The following NAT10 variants were observed in gnomAD, a reference collection of about 807,000 sequenced individuals.
NAT10 encodes the protein N-acetyltransferase 10, also known as RNA cytidine acetyltransferase.
Under a neutral mutation model 132.2 loss-of-function variants are expected in NAT10, and 109 were observed. The ratio of observed to expected loss-of-function variants is 0.82; its 90% CI spans 0.71 to 0.97. The LOEUF is 0.97. NAT10 is among the 50% of genes least tolerant of loss of function. The pLI is 0.00. For synonymous variants in NAT10, 479 were observed against 478.0 expected, an observed-to-expected ratio of 1.00 and a Z score of -0.03; for missense variants, 1,184 against 1,263.4, an observed-to-expected ratio of 0.94 and a Z score of 0.95.
Position 34,139,175 on chromosome 11 carries a change from C to T in NAT10, c.2212-16C>T. On this transcript the variant is annotated splice_polypyrimidine_tract_variant and intron_variant, in intron 21 of 28. Transcript: ENST00000257829. ...AAGGGGGTTCTTGGTGCCAGTTAAA[C>T]CTCTGTGTTGCCCAGAATGACCTGA... 1 of 1,611,064 alleles carries T rather than the reference C, an allele frequency of 6.2e-7. No homozygotes were observed. The highest frequency in any genetic ancestry group is 8.5e-7 in the Non-Finnish European group (1 of 1,177,380).
chr11:34,141,183 ACCGGATCAT>A lies in NAT10; in HGVS notation c.2691_2699del (p.Ile898_Arg900del). Reference sequence around the variant, plus strand: ...TCGGGCCAGTTGATGGGACTTTTCAACCGGATCATCCGCAAAGTTGTGAAGGTAACCTCA... The same window carrying A: ...TCGGGCCAGTTGATGGGACTTTTCAACCGCAAAGTTGTGAAGGTAACCTCA... On this transcript the variant is annotated inframe_deletion, in exon 25 of 29. Coordinates refer to ENST00000257829, the MANE Select transcript of NAT10 (RefSeq NM_024662.3). 1 of 1,614,118 alleles carries A rather than the reference ACCGGATCAT, an allele frequency of 6.2e-7. No individual in the cohort carries two copies. The highest frequency in any genetic ancestry group is 8.5e-7 in the Non-Finnish European group (1 of 1,180,014).
intron 11 of NAT10, among the ~76,000 whole-genome samples, chr11:34,126,677 A>C (rs1287220030): frequency 6.6e-6 from 1 of 152,222 alleles, no homozygotes; most frequent in East Asian, 1.9e-4. Flanking sequence ...GTTTTGTGAA[A>C]TGGTATCTCC....
At chr11:34,119,664 T>A (rs1851852261) in intron 8 of NAT10, among the ~76,000 whole-genome samples, 1 of 152,258 alleles carries the variant, frequency 6.6e-6, no homozygotes, top group Non-Finnish European at 1.5e-5. Flanking sequence ...AGTTTCACTC[T>A]GCAGAAACAA....
chr11:34,115,802 G>A (rs1218455573), intron 5 of NAT10, 21 bp from the exon 6 acceptor site: 2 of 1,613,518 alleles, frequency 1.2e-6, no homozygotes, highest in Admixed American at 1.7e-5. Flanking sequence ...TTTGTTAATG[G>A]ATGTTGTCTT....
intron 13 of NAT10, 74 bp from the exon 14 acceptor site, chr11:34,131,307 T>C (rs1852100577): frequency 1.3e-6 from 2 of 1,522,850 alleles, no homozygotes; most frequent in Admixed American, 4.0e-5. Flanking sequence ...AAGTGAAACA[T>C]TTTTCCTTGC....
rs973301067 is a variant in NAT10, at chr11:34,146,299, G to C, written c.*107G>C. ...GCAACGAGAGGCCCCGGCACACCTG[G>C]AAGCTGGCCGCGAATTCGGCCTCTG... On this transcript the variant is annotated 3_prime_UTR_variant, in exon 29 of 29. Coordinates refer to ENST00000257829, the MANE Select transcript of NAT10 (RefSeq NM_024662.3). 2.5e-6 allele frequency: 2 copies of C among 802,452 alleles called. No individual in the cohort carries two copies. Among genetic ancestry groups the C allele is most frequent in the African/African-American group, 3.5e-5 (2 of 57,126 alleles). The allele number at this position is 802,452 out of a possible 1,614,324, so 49.7% of individuals were successfully genotyped here.
intron 25 of NAT10, 117 bp from the exon 26 acceptor site, chr11:34,141,602 T>A: frequency 1.2e-6 from 1 of 858,280 alleles, no homozygotes; most frequent in East Asian, 2.6e-5. Flanking sequence ...CTGTAGAGTG[T>A]TGCTTTGTGT....
chr11:34,136,783 C>T lies in NAT10; in HGVS notation c.2162+8C>T, dbSNP rs1257216850. The T allele has an allele frequency of 3.1e-6, 5 of 1,614,144 alleles. No homozygotes were observed. The highest frequency in any genetic ancestry group is 4.2e-6 in the Non-Finnish European group (5 of 1,180,036). ...GACCCCCAGGCTCCTCAAGTAAGTGCCTGCCCTCCTTCCACGGCATCACTC... is the reference window on the plus strand; with the variant it reads ...GACCCCCAGGCTCCTCAAGTAAGTGTCTGCCCTCCTTCCACGGCATCACTC... On this transcript the variant is annotated splice_region_variant and intron_variant, in intron 20 of 28. Transcript: ENST00000257829.
rs762682840 is a variant in NAT10, at chr11:34,141,071, A to G, written c.2593-18A>G. On this transcript the variant is annotated intron_variant, in intron 24 of 28. Coordinates refer to ENST00000257829, the MANE Select transcript of NAT10 (RefSeq NM_024662.3). ...GGCGTGTCCTAGAGGCCCACCCAGC[A>G]GATTTTCCATCCTTTAGGCTCTTCT... 4 of 1,614,052 alleles carry G rather than the reference A, an allele frequency of 2.5e-6. No individual in the cohort carries two copies. The highest frequency in any genetic ancestry group is 2.2e-5 in the East Asian group (1 of 44,876).
chr11:34,122,699 G>A (rs1012790338), intron 9 of NAT10, 107 bp downstream of exon 9: 25 of 1,443,446 alleles, frequency 1.7e-5, no homozygotes, highest in South Asian at 2.5e-5. Context: ...TCTGAGTTCT[G>A]AGTGGGTTCA....
Position 34,115,775 on chromosome 11 carries a change from A to G in NAT10, c.496-48A>G, listed in dbSNP as rs779671729. On this transcript the variant is annotated intron_variant, in intron 5 of 28. Coordinates refer to ENST00000257829, the MANE Select transcript of NAT10 (RefSeq NM_024662.3). Reference sequence around the variant, plus strand: ...GCTTTGTATTTGGACCCTGGTCCTCAGCACTGTTTGCATGCCTTTGTTAAT... The same window carrying G: ...GCTTTGTATTTGGACCCTGGTCCTCGGCACTGTTTGCATGCCTTTGTTAAT... 21 of 1,599,090 alleles carry G rather than the reference A, an allele frequency of 1.3e-5. No homozygotes were observed. In the Admixed American group the frequency reaches 3.4e-4, roughly 26 times the overall value.
intron 28 of NAT10, among the ~76,000 whole-genome samples, chr11:34,145,366 T>G (rs748195623): frequency 6.6e-6 from 1 of 152,248 alleles, no homozygotes; most frequent in Non-Finnish European, 1.5e-5. Context: ...TTTCTTTTTC[T>G]TCCTTTGAGA....
rs756936856 is a variant in NAT10, at chr11:34,108,250, C to T, written c.25C>T (p.Arg9Ter). The T allele has an allele frequency of 4.3e-6, 7 of 1,614,004 alleles. No individual in the cohort carries two copies. In the Middle Eastern group the frequency reaches 5.0e-4, roughly 114 times the overall value. The change falls in exon 2 of 29, where the codon CGA (arginine) becomes TGA (stop). Residue 9 changes from arginine to a stop codon, truncating the protein, a stop_gained. Coordinates refer to ENST00000257829, the MANE Select transcript of NAT10 (RefSeq NM_024662.3). LOFTEE classifies it high-confidence loss of function. MHRKKVDN[R>*]IRILIENGVA... Reference sequence around the variant, plus strand: ...CATGCATCGGAAAAAGGTGGATAACCGAATCCGGATTCTCATTGAGAATGG... The same window carrying T: ...CATGCATCGGAAAAAGGTGGATAACTGAATCCGGATTCTCATTGAGAATGG...
intron 20 of NAT10, 66 bp downstream of exon 20, chr11:34,136,841 G>C: frequency 1.2e-6 from 2 of 1,612,706 alleles, no homozygotes; most frequent in South Asian, 1.1e-5. Context: ...TCTGTGGGCT[G>C]TGTGTCTCTG....
intron 20 of NAT10, 79 bp downstream of exon 20, chr11:34,136,854 GGT>G: frequency 6.2e-7 from 1 of 1,611,746 alleles, no homozygotes; most frequent in Non-Finnish European, 8.5e-7. Context: ...TGTCTCTGTT[GGT>G]AGCTGGTATC....
At chr11:34,139,964 G>A (rs1239595301) in intron 23 of NAT10, among the ~76,000 whole-genome samples, 2 of 152,134 alleles carry the variant, frequency 1.3e-5, no homozygotes, top group East Asian at 3.8e-4. Flanking sequence ...TAAATATTTA[G>A]GTATAGCATG....
chr11:34,123,480 T>A (rs1307630797), intron 9 of NAT10, among the ~76,000 whole-genome samples: 1 of 152,212 alleles, frequency 6.6e-6, no homozygotes, highest in Non-Finnish European at 1.5e-5. Flanking sequence ...TGAAACTACT[T>A]CTTGTAGCAG....
intron 25 of NAT10, 147 bp from the exon 26 acceptor site, chr11:34,141,572 C>T: frequency 1.4e-6 from 1 of 718,332 alleles, no homozygotes; most frequent in Non-Finnish European, 2.3e-6. Flanking sequence ...GCTCTTCCCG[C>T]TAATATCCAC....
chr11:34,118,375 C>G (rs1302437876), intron 7 of NAT10, 21 bp from the exon 8 acceptor site: 1 of 1,612,168 alleles, frequency 6.2e-7, no homozygotes, highest in South Asian at 1.1e-5. Context: ...ACAGACCTTC[C>G]CCTTCTCCTC....
Sources: allele counts gnomAD v4.1 joint callset (sites outside exome capture counted in the v4.1 genomes callset), GRCh38; gene constraint gnomAD v4.1.1; transcripts MANE v1.5; gene names NCBI Gene and HGNC (gene_info 2026-07-23, HGNC 2026-07-21).